The following GRIK1 variants were observed in gnomAD, a reference collection of about 807,000 sequenced individuals.
The protein encoded by GRIK1 is glutamate receptor ionotropic, kainate 1.
A neutral mutation model predicts 105.7 loss-of-function variants in GRIK1; 69 were observed. That is an observed-to-expected ratio of 0.65 (90% CI 0.54 to 0.80). The LOEUF (loss-of-function observed/expected upper bound fraction) is 0.80, where lower values mean the gene tolerates loss of function less well. GRIK1 is among the 30% of genes least tolerant of loss of function. The pLI, the probability that GRIK1 is intolerant of heterozygous loss-of-function variation, is 0.00. For missense variants in GRIK1, 1,109 were observed against 1,167.3 expected (o/e 0.95, Z 0.73); for synonymous variants, 438 against 431.3 (o/e 1.02, Z -0.19).
At chr21:29,591,254 G>A (rs763765764) in intron 9 of GRIK1, 29 bp from the exon 10 acceptor site, 2 of 1,290,092 alleles carry the variant, frequency 1.6e-6, no homozygotes, top group South Asian at 1.2e-5. Context: ...ATCAGAGGCT[G>A]CTGGCTGTCA....
chr21:29,698,429 G>C (rs1241612138), intron 1 of GRIK1, among the ~76,000 whole-genome samples: 1 of 152,166 alleles, frequency 6.6e-6, no homozygotes, highest in Non-Finnish European at 1.5e-5. Flanking sequence ...AGGCAGGACT[G>C]AGAGCTCAGG....
chr21:29,641,074 T>A (rs533022628), intron 7 of GRIK1, among the ~76,000 whole-genome samples: 1 of 152,308 alleles, frequency 6.6e-6, no homozygotes, highest in South Asian at 2.1e-4. Flanking sequence ...TTCACAAGCA[T>A]TTGCCTAATT....
At chr21:29,732,342 G>A (rs908351344) in intron 1 of GRIK1, among the ~76,000 whole-genome samples, 1 of 152,092 alleles carries the variant, frequency 6.6e-6, no homozygotes, top group Admixed American at 6.6e-5. Flanking sequence ...ATTGATAATG[G>A]CACACATTAT....
intron 1 of GRIK1, among the ~76,000 whole-genome samples, chr21:29,826,797 G>C (rs967454288): frequency 6.6e-6 from 1 of 152,060 alleles, no homozygotes; most frequent in Non-Finnish European, 1.5e-5. Flanking sequence ...CTAACAGAGG[G>C]TTACTCAGGG....
chr21:29,821,544 C>T (rs533418945), intron 1 of GRIK1, among the ~76,000 whole-genome samples: 1 of 151,982 alleles, frequency 6.6e-6, no homozygotes, highest in Non-Finnish European at 1.5e-5. Context: ...TCACAATTTA[C>T]TGAAGACAGG....
intron 2 of GRIK1, 34 bp from the exon 3 acceptor site, chr21:29,690,019 G>C: frequency 2.1e-6 from 3 of 1,444,936 alleles, no homozygotes; most frequent in Non-Finnish European, 2.9e-6. Context: ...GATGGGGAGG[G>C]AGGGCAGGGA....
At chr21:29,671,775 G>T (rs562255194) in intron 4 of GRIK1, among the ~76,000 whole-genome samples, 1 of 152,208 alleles carries the variant, frequency 6.6e-6, no homozygotes, top group South Asian at 2.1e-4. Flanking sequence ...TAAATATAAA[G>T]AGATGGCCGG....
intron 14 of GRIK1, among the ~76,000 whole-genome samples, chr21:29,565,962 T>G (rs2090603384): frequency 6.6e-6 from 1 of 152,234 alleles, no homozygotes; most frequent in African/African-American, 2.4e-5. Flanking sequence ...TACTGCAGAG[T>G]TCTGTCCGCT....
At chr21:29,865,699 A>G (rs1475841416) in intron 1 of GRIK1, among the ~76,000 whole-genome samples, 4 of 152,410 alleles carry the variant, frequency 2.6e-5, no homozygotes, top group Admixed American at 2.0e-4. Flanking sequence ...AATTAATGAC[A>G]TAAGAAATGT....
intron 6 of GRIK1, among the ~76,000 whole-genome samples, chr21:29,646,428 C>T (rs914292917): frequency 5.9e-5 from 9 of 152,142 alleles, no homozygotes; most frequent in African/African-American, 1.4e-4. Flanking sequence ...CTTTTTCCTT[C>T]GCTGATTTTA....
chr21:29,752,348 A>C (rs2065227682), intron 1 of GRIK1, among the ~76,000 whole-genome samples: 1 of 152,202 alleles, frequency 6.6e-6, no homozygotes, highest in African/African-American at 2.4e-5. Context: ...AAGAACAAGG[A>C]ACTTAATTTT....
chr21:29,624,519 G>A (rs1350897422), intron 7 of GRIK1, among the ~76,000 whole-genome samples: 6 of 152,112 alleles, frequency 3.9e-5, no homozygotes, highest in Non-Finnish European at 7.4e-5. Flanking sequence ...GAAATGAGTA[G>A]AAAATCTCTA....
At chr21:29,650,175 A>C (rs545285475) in intron 6 of GRIK1, among the ~76,000 whole-genome samples, 1 of 152,320 alleles carries the variant, frequency 6.6e-6, no homozygotes, top group East Asian at 1.9e-4. Context: ...ATCATCCAGA[A>C]CCACTTAATT....
intron 1 of GRIK1, among the ~76,000 whole-genome samples, chr21:29,867,381 C>A (rs1263136476): frequency 6.6e-6 from 1 of 151,966 alleles, no homozygotes; most frequent in East Asian, 1.9e-4. Flanking sequence ...GAGGACCAGG[C>A]AGAAAAGGGA....
chr21:29,575,786 C>T (rs13048318), intron 14 of GRIK1, among the ~76,000 whole-genome samples: 1,938 of 152,210 alleles, frequency 0.013, 18 homozygotes, highest in Non-Finnish European at 0.018. Flanking sequence ...GAGCCAAGAT[C>T]GCGCCACTGG....
chr21:29,686,233 C>T (rs2063484499), intron 3 of GRIK1, among the ~76,000 whole-genome samples: 1 of 152,158 alleles, frequency 6.6e-6, no homozygotes, highest in Admixed American at 6.5e-5. Flanking sequence ...GTTAACCTGT[C>T]TTTTGTTATA....
intron 1 of GRIK1, among the ~76,000 whole-genome samples, chr21:29,810,850 A>G (rs1442722643): frequency 6.6e-6 from 1 of 152,148 alleles, no homozygotes; most frequent in African/African-American, 2.4e-5. Flanking sequence ...ACAACAGCTC[A>G]CAGCACCAGA....
chr21:29,788,845 G>A (rs1338336353), intron 1 of GRIK1, among the ~76,000 whole-genome samples: 2 of 152,128 alleles, frequency 1.3e-5, no homozygotes, highest in East Asian at 1.9e-4. Context: ...ACACTCTTAT[G>A]AGAATCTAAT....
chr21:29,854,674 G>A lies in GRIK1; in HGVS notation c.118+84709C>T, dbSNP rs555845096. Among the ~76,000 whole-genome samples, 3 of 152,250 alleles carry A rather than the reference G, an allele frequency of 2.0e-5. No individual in the cohort carries two copies. The South Asian group carries it at 6.2e-4, about 32-fold the overall frequency. On this transcript the variant is annotated intron_variant, in intron 1 of 17. Transcript: ENST00000327783. Reference sequence around the variant, plus strand: ...AGGAAATATCATATATAAAATAGTGGAAATGATGTTTTCTCATCTATTTGC... The same window carrying A: ...AGGAAATATCATATATAAAATAGTGAAAATGATGTTTTCTCATCTATTTGC...
Sources: gnomAD v4.1 joint callset for allele counts (sites outside exome capture counted in the v4.1 genomes callset) on GRCh38, gnomAD v4.1.1 for gene constraint, MANE v1.5 for transcripts, NCBI Gene and HGNC (gene_info 2026-07-23, HGNC 2026-07-21) for gene names.